CENPP: variants seen among roughly 807,000 people sequenced by gnomAD.
CENPP encodes the protein centromere protein P.
CENPP carries 24 observed loss-of-function variants against 35.6 expected under a neutral mutation model. The ratio of observed to expected loss-of-function variants is 0.67; its 90% CI spans 0.49 to 0.95. The LOEUF (loss-of-function observed/expected upper bound fraction) is 0.95, where lower values mean the gene tolerates loss of function less well. CENPP is among the 40% of genes least tolerant of loss of function. CENPP has a pLI of 0.00. For synonymous variants in CENPP, 120 were observed against 125.5 expected (o/e 0.96, Z 0.29); for missense variants, 332 against 345.3 (o/e 0.96, Z 0.31).
chr9:92,516,309 C>T (rs530150459), intron 5 of CENPP, among the ~76,000 whole-genome samples: 4 of 152,150 alleles, frequency 2.6e-5, no homozygotes, highest in Admixed American at 6.5e-5. Context: ...GTGATCCTCC[C>T]GCCTCAGCCT....
chr9:92,430,050 T>C (rs1025130192), intron 5 of CENPP, among the ~76,000 whole-genome samples: 1 of 152,280 alleles, frequency 6.6e-6, no homozygotes, highest in African/African-American at 2.4e-5. Flanking sequence ...GTGATTGTTC[T>C]CCTCAGAGGC....
chr9:92,434,218 G>A (rs547625570), intron 5 of CENPP, among the ~76,000 whole-genome samples: 3 of 151,778 alleles, frequency 2.0e-5, no homozygotes, highest in Admixed American at 6.6e-5. Flanking sequence ...GTGAAACCCC[G>A]TCTCTACTAA....
chr9:92,501,629 A>G (rs1486500634), intron 5 of CENPP, among the ~76,000 whole-genome samples: 1 of 152,074 alleles, frequency 6.6e-6, no homozygotes, highest in Non-Finnish European at 1.5e-5. Flanking sequence ...TGTTTCAGGA[A>G]CCCCACCTGA....
intron 5 of CENPP, among the ~76,000 whole-genome samples, chr9:92,450,599 G>T (rs1415009830): frequency 6.6e-6 from 1 of 152,070 alleles, no homozygotes. Context: ...ATAGTCCTTT[G>T]GGTATATACT....
At chr9:92,502,701 C>G in intron 5 of CENPP, 1 of 1,410,532 alleles carries the variant, frequency 7.1e-7, no homozygotes, top group Non-Finnish European at 9.6e-7. Flanking sequence ...TTAGTTGATA[C>G]GTTCAATTTC....
At chr9:92,383,965 C>G (rs1404839160) in intron 5 of CENPP, 5 of 151,862 alleles carry the variant, frequency 3.3e-5, no homozygotes, top group Admixed American at 3.3e-4. Flanking sequence ...AAAACAGAAC[C>G]CTTCTATTTA....
rs186013243 is a variant in CENPP, at chr9:92,480,093, C to T, written c.564+100234C>T. ...ATTAGTTTTGGCAGTATTCAGGTTA[C>T]TCTATTTTTAAACCCTTTAAAAATA... On this transcript the variant is annotated intron_variant, in intron 5 of 7. Coordinates refer to ENST00000375587, the MANE Select transcript of CENPP (RefSeq NM_001012267.3). Among the ~76,000 whole-genome samples the T allele has an allele frequency of 2.2e-3, 328 of 152,250 alleles. 2 individuals carry two copies. The highest frequency in any genetic ancestry group is 7.3e-3 in the African/African-American group (305 of 41,560).
intron 4 of CENPP, among the ~76,000 whole-genome samples, chr9:92,351,108 T>G (rs1841428573): frequency 1.3e-5 from 2 of 152,218 alleles, no homozygotes; most frequent in Non-Finnish European, 2.9e-5. Context: ...TCAACCATGT[T>G]AAAGAGTACA....
intron 5 of CENPP, among the ~76,000 whole-genome samples, chr9:92,510,733 A>C (rs1847282457): frequency 6.6e-6 from 1 of 152,252 alleles, no homozygotes; most frequent in African/African-American, 2.4e-5. Flanking sequence ...AAATTTCAAC[A>C]GTTTCGGAAT....
At chr9:92,529,936 A>G (rs1297698571) in intron 5 of CENPP, among the ~76,000 whole-genome samples, 1 of 152,216 alleles carries the variant, frequency 6.6e-6, no homozygotes, top group Non-Finnish European at 1.5e-5. Context: ...AGTTTGGCCT[A>G]TGTAGCTTTT....
chr9:92,406,490 GT>G (rs1294651076), intron 5 of CENPP, among the ~76,000 whole-genome samples: 1 of 152,082 alleles, frequency 6.6e-6, no homozygotes, highest in African/African-American at 2.4e-5. Flanking sequence ...TATTGTAGTG[GT>G]TATCTATTAC....
chr9:92,500,399 C>A (rs1279636284), intron 5 of CENPP, among the ~76,000 whole-genome samples: 2 of 152,180 alleles, frequency 1.3e-5, no homozygotes, highest in Non-Finnish European at 2.9e-5. Flanking sequence ...GCCAGGCTGG[C>A]CTCAGACTCT....
At chr9:92,544,683 G>A (rs891183112) in intron 5 of CENPP, among the ~76,000 whole-genome samples, 1 of 151,204 alleles carries the variant, frequency 6.6e-6, no homozygotes, top group East Asian at 1.9e-4. Context: ...TCACCAATGT[G>A]AGGACCAGAG....
chr9:92,498,199 A>G (rs1405160321), intron 5 of CENPP, among the ~76,000 whole-genome samples: 1 of 152,230 alleles, frequency 6.6e-6, no homozygotes, highest in African/African-American at 2.4e-5. Flanking sequence ...GGAAATATGT[A>G]TATGTATGTA....
intron 5 of CENPP, among the ~76,000 whole-genome samples, chr9:92,556,711 A>G (rs1283970845): frequency 1.3e-5 from 2 of 151,976 alleles, no homozygotes; most frequent in Non-Finnish European, 2.9e-5. Context: ...CTTTACTTTA[A>G]GTGTATGTGA....
intron 5 of CENPP, among the ~76,000 whole-genome samples, chr9:92,454,340 T>A (rs1844808915): frequency 6.6e-6 from 1 of 152,214 alleles, no homozygotes; most frequent in Non-Finnish European, 1.5e-5. Context: ...TGTAAAAAGA[T>A]TAACTTGGCT....
At chr9:92,366,177 CAAAAA>C (rs79052877) in intron 4 of CENPP, among the ~76,000 whole-genome samples, 3 of 52,080 alleles carry the variant, frequency 5.8e-5, no homozygotes, top group South Asian at 1.3e-3. Flanking sequence ...GACTCCGTCT[CAAAAA>C]AAAAAAAAAA....
rs375126745 is a variant in CENPP at position 92,385,895 on chromosome 9, A to C, written c.564+6036A>C. The C allele has an allele frequency of 6.0e-6, 6 of 994,324 alleles. No homozygotes were observed. The East Asian group carries it at 1.2e-4, about 20-fold the overall frequency. The allele number at this position is 994,324 out of a possible 1,614,324, so 61.6% of individuals were successfully genotyped here. A position where few individuals can be genotyped will look rare whatever the true frequency, so the allele number is the denominator to read the frequency against. ...AAGTCAGAGGTCTGAGTGCCCCCTCACTTCAAATCCTTGTGTCAAATTAAT... is the reference window on the plus strand; with the variant it reads ...AAGTCAGAGGTCTGAGTGCCCCCTCCCTTCAAATCCTTGTGTCAAATTAAT... On this transcript the variant is annotated intron_variant, in intron 5 of 7. Coordinates refer to ENST00000375587, the MANE Select transcript of CENPP (RefSeq NM_001012267.3).
rs139230827 is a variant in CENPP, at chr9:92,480,808, A to G, written c.564+100949A>G. ...ATATAAATGTGATATAACATACTCC[A>G]TATATTTCACCGAAGGAATCCAAAC... On this transcript the variant is annotated intron_variant, in intron 5 of 7. Coordinates refer to ENST00000375587, the MANE Select transcript of CENPP (RefSeq NM_001012267.3). Among the ~76,000 whole-genome samples, 23 of 152,308 alleles carry G rather than the reference A, an allele frequency of 1.5e-4. 1 individual carries two copies. The East Asian group carries it at 4.2e-3, about 28-fold the overall frequency.
Sources: gnomAD v4.1 joint callset for allele counts (sites outside exome capture counted in the v4.1 genomes callset) on GRCh38, gnomAD v4.1.1 for gene constraint, MANE v1.5 for transcripts, NCBI Gene and HGNC (gene_info 2026-07-23, HGNC 2026-07-21) for gene names.